Variants in SYNJ2 observed in about 807,000 individuals in gnomAD.
The protein encoded by SYNJ2 is synaptojanin 2.
In SYNJ2, 116 loss-of-function variants were observed where a neutral mutation model predicts 141.3. The observed-to-expected ratio is 0.82, with a 90% CI of 0.71 to 0.96. The LOEUF (loss-of-function observed/expected upper bound fraction) is 0.96, where lower values mean the gene tolerates loss of function less well. Ranked by LOEUF, SYNJ2 falls within the 40% of genes least tolerant of loss-of-function variation. The probability of loss-of-function intolerance (pLI) is 0.00; values close to 1 mark genes in which losing one functional copy is unlikely to be tolerated. For synonymous variants in SYNJ2, 745 were observed against 777.7 expected, an observed-to-expected ratio of 0.96 and a Z score of 0.70; for missense variants, 1,873 against 1,934.8, an observed-to-expected ratio of 0.97 and a Z score of 0.60.
chr6:158,001,661 GT>G (rs1327454522), intron 1 of SYNJ2: 1 of 152,398 alleles, frequency 6.6e-6, no homozygotes, highest in Non-Finnish European at 1.5e-5. Context: ...GCCTCCCAAA[GT>G]GCTGGGATTA....
chr6:158,047,774 CAAAAAAAAAAAAAAA>C (rs58147972), intron 5 of SYNJ2, among the ~76,000 whole-genome samples: 715 of 32,418 alleles, frequency 0.022, 30 homozygotes, highest in African/African-American at 0.069. Flanking sequence ...GCGACTCTGT[CAAAAAAAAAAAAAAA>C]AAAAAAAAAA....
chr6:158,052,714 G>C (rs1780637836), intron 5 of SYNJ2, among the ~76,000 whole-genome samples: 1 of 152,188 alleles, frequency 6.6e-6, no homozygotes, highest in African/African-American at 2.4e-5. Flanking sequence ...CCTCCCACCA[G>C]GCCCCACCTC....
intron 20 of SYNJ2, 102 bp downstream of exon 20, chr6:158,081,612 T>A: frequency 2.8e-6 from 1 of 362,084 alleles, no homozygotes; most frequent in Non-Finnish European, 4.5e-6. Flanking sequence ...TGCCTTTTTT[T>A]TTTTTTTTTT....
chr6:158,057,443 C>G (rs900880657), intron 6 of SYNJ2, among the ~76,000 whole-genome samples: 3 of 152,214 alleles, frequency 2.0e-5, no homozygotes, highest in African/African-American at 7.2e-5. Flanking sequence ...CCACGTCCCA[C>G]ACACCAAGCA....
At chr6:158,021,051 A>G (rs930000933) in intron 2 of SYNJ2, among the ~76,000 whole-genome samples, 4 of 152,220 alleles carry the variant, frequency 2.6e-5, no homozygotes, top group Non-Finnish European at 5.9e-5. Context: ...AAGTTTACAC[A>G]ATACAAAGCA....
intron 4 of SYNJ2, among the ~76,000 whole-genome samples, chr6:158,037,729 C>T (rs896057954): frequency 6.6e-6 from 1 of 152,198 alleles, no homozygotes; most frequent in Non-Finnish European, 1.5e-5. Context: ...CCCATTACTT[C>T]TGCAAAGACC....
intron 2 of SYNJ2, among the ~76,000 whole-genome samples, chr6:158,025,735 C>T (rs1326257185): frequency 3.3e-5 from 5 of 151,998 alleles, no homozygotes; most frequent in African/African-American, 1.2e-4. Flanking sequence ...GGCAGATCAC[C>T]TGAGGTCGGG....
chr6:158,017,212 GA>G lies in SYNJ2; in HGVS notation c.140del (p.Lys47ArgfsTer21). The G allele has an allele frequency of 6.2e-7, 1 of 1,613,086 alleles. No individual in the cohort carries two copies. Among genetic ancestry groups the G allele is most frequent in the Non-Finnish European group, 8.5e-7 (1 of 1,179,720 alleles). On this transcript the variant is annotated frameshift_variant, in exon 2 of 27. Transcript: ENST00000355585. LOFTEE classifies it high-confidence loss of function. ...AGTVATLAPE[E>X]KEVIKGQYGK... is the part of the protein sequence containing the mutation. The stretch of plus-strand genomic sequence containing the variant: ...ATGTGTTTCTTCCCCAGCTCCAGAA[GA>G]AAAGGAAGTCATTAAAGGACAGTAT...
At chr6:158,044,539 G>A (rs1032258849) in intron 5 of SYNJ2, among the ~76,000 whole-genome samples, 1 of 152,214 alleles carries the variant, frequency 6.6e-6, no homozygotes, top group Admixed American at 6.5e-5. Context: ...CCGGAGAAAC[G>A]CTCCTGAGGA....
In SYNJ2 at chr6:158,028,925, G is replaced by C. The variant is rs1199086395; in HGVS notation, c.384G>C (p.Val128=). 6.2e-7 allele frequency: 1 copy of C among 1,614,062 alleles called. No individual in the cohort carries two copies. Among genetic ancestry groups the C allele is most frequent in the African/African-American group, 1.3e-5 (1 of 74,922 alleles). The part of the protein sequence containing the change: ...IALKKILSSG[V]FYFSWPNDGS... ...TGAAGAAAATCCTCAGCTCGGGGGT[G>C]TTCTATTTCTCATGGCCAAACGATG... The change falls in exon 3 of 27, where the codon GTG becomes GTC. Residue 128 remains valine, a synonymous_variant. Coordinates refer to ENST00000355585, the MANE Select transcript of SYNJ2 (RefSeq NM_003898.4).
Position 158,097,868 on chromosome 6 carries a change from C to T in SYNJ2, c.*1504C>T, listed in dbSNP as rs545679743. The stretch of plus-strand genomic sequence containing the variant: ...TAAAAAAAAAAAGGAATCCGTGACC[C>T]ACAGAGCTAGACAGATAAGATGCAT... On this transcript the variant is annotated 3_prime_UTR_variant, in exon 27 of 27. Coordinates refer to ENST00000355585, the MANE Select transcript of SYNJ2 (RefSeq NM_003898.4). The T allele has an allele frequency of 4.7e-5, 7 of 149,936 alleles. No homozygotes were observed. The South Asian group carries it at 1.5e-3, about 32-fold the overall frequency. 9.3% of individuals were successfully genotyped at this position (149,936 alleles called of 1,614,324 possible). A position where few individuals can be genotyped will look rare whatever the true frequency, so the allele number is the denominator to read the frequency against.
intron 12 of SYNJ2, among the ~76,000 whole-genome samples, chr6:158,067,203 G>C (rs1781623563): frequency 6.6e-6 from 1 of 152,186 alleles, no homozygotes; most frequent in South Asian, 2.1e-4. Context: ...ATTTTTAGTA[G>C]AGATGGGGTT....
In SYNJ2 at chr6:158,092,955, G is replaced by T. The variant is rs751190012; in HGVS notation, c.3595G>T (p.Ala1199Ser). 1 of 1,601,508 alleles carries T rather than the reference G, an allele frequency of 6.2e-7. No homozygotes were observed. The highest frequency in any genetic ancestry group is 8.5e-7 in the Non-Finnish European group (1 of 1,176,642). Residue 1199 changes from alanine to serine, a missense_variant, in exon 26 of 27, where the codon GCC (alanine) becomes TCC (serine). Ala to Ser is a moderately conservative substitution (Grantham distance 99). Coordinates refer to ENST00000355585, the MANE Select transcript of SYNJ2 (RefSeq NM_003898.4). ...CTCCGAAGAAGCCCTAAGTGCCGTGGCCCCAAGGGACCTTGAAGCATCCTC... is the reference window on the plus strand; with the variant it reads ...CTCCGAAGAAGCCCTAAGTGCCGTGTCCCCAAGGGACCTTGAAGCATCCTC... ...GASEEALSAV[A>S]PRDLEASSEP... is the part of the protein sequence containing the mutation.
chr6:158,041,955 G>T (rs570076653), intron 4 of SYNJ2, among the ~76,000 whole-genome samples: 1 of 152,204 alleles, frequency 6.6e-6, no homozygotes, highest in South Asian at 2.1e-4. Context: ...GCTCAAGCCC[G>T]CCTCCCACCT....
chr6:158,023,590 G>A (rs1330953238), intron 2 of SYNJ2, among the ~76,000 whole-genome samples: 1 of 152,178 alleles, frequency 6.6e-6, no homozygotes, highest in Non-Finnish European at 1.5e-5. Context: ...TGGAGCACCT[G>A]TGATGGAGGA....
In SYNJ2 at chr6:158,033,659, C is replaced by T. The variant is rs1328585673; in HGVS notation, c.690C>T (p.Ser230=). 6.2e-7 allele frequency: 1 copy of T among 1,610,804 alleles called. No homozygotes were observed. The highest frequency in any genetic ancestry group is 1.1e-5 in the South Asian group (1 of 91,046). The change falls in exon 4 of 27, where the codon TCC becomes TCT. Residue 230 remains serine (S), a synonymous_variant. Transcript: ENST00000355585. ...GCGTGAACGACGACGGCCATGTGTCCAACTTCGTGGAGACAGAGCAGGTGA... is the reference window on the plus strand; with the variant it reads ...GCGTGAACGACGACGGCCATGTGTCTAACTTCGTGGAGACAGAGCAGGTGA... ...TRGVNDDGHV[S]NFVETEQMIY...
In SYNJ2 at chr6:158,096,359, A is replaced by T; in HGVS notation, c.4486A>T (p.Thr1496Ser). 2 of 1,602,110 alleles carry T rather than the reference A, an allele frequency of 1.2e-6. No individual in the cohort carries two copies. Among genetic ancestry groups the T allele is most frequent in the Non-Finnish European group, 1.7e-6 (2 of 1,175,658 alleles). Reference sequence around the variant, plus strand: ...GCAGGTGTTTGACCCACTGGCAAAAACATGACTGAGCAGCTTTGAAGGCTG... The same window carrying T: ...GCAGGTGTTTGACCCACTGGCAAAATCATGACTGAGCAGCTTTGAAGGCTG... Reference protein sequence around the residue: ...ALQVFDPLAKT With the variant: ...ALQVFDPLAKS Residue 1496 changes from threonine (T) to serine (S), a missense_variant, in exon 27 of 27, where the codon ACA becomes TCA. Thr to Ser is a moderately conservative substitution (Grantham distance 58, BLOSUM62 1). Transcript: ENST00000355585.
At chr6:158,004,039 T>G (rs959426049) in intron 1 of SYNJ2, among the ~76,000 whole-genome samples, 3 of 152,184 alleles carry the variant, frequency 2.0e-5, no homozygotes, top group Non-Finnish European at 2.9e-5. Flanking sequence ...TCGAGTAGCA[T>G]AGACAACTTT....
At chr6:158,051,967 A>AAAGAAG (rs1157885623) in intron 5 of SYNJ2, among the ~76,000 whole-genome samples, 29 of 151,944 alleles carry the variant, frequency 1.9e-4, no homozygotes, top group African/African-American at 7.0e-4. Flanking sequence ...AAGAAAAAAA[A>AAAGAAG]AAGAAGAAGA....
Sources: gnomAD v4.1 joint callset for allele counts (sites outside exome capture counted in the v4.1 genomes callset) on GRCh38, gnomAD v4.1.1 for gene constraint, MANE v1.5 for transcripts, NCBI Gene and HGNC (gene_info 2026-07-23, HGNC 2026-07-21) for gene names.